Variants in POLR3G observed in about 807,000 individuals in gnomAD.
POLR3G encodes DNA-directed RNA polymerase III subunit RPC7.
In POLR3G, 28 loss-of-function variants were observed where a neutral mutation model predicts 30.1. That is an observed-to-expected ratio of 0.93 (90% CI 0.69 to 1.27). The LOEUF is 1.27. Ranked by LOEUF, POLR3G falls within the 50% of genes most tolerant of loss-of-function variation. POLR3G has a pLI of 0.00. For missense variants in POLR3G, 254 were observed against 264.6 expected (o/e 0.96, Z 0.28); for synonymous variants, 79 against 82.5 (o/e 0.96, Z 0.23).
chr5:90,492,393 AATTT>A (rs1751767789), intron 3 of POLR3G, among the ~76,000 whole-genome samples: 2 of 152,236 alleles, frequency 1.3e-5, no homozygotes, highest in African/African-American at 2.4e-5. Context: ...CACCAAAATT[AATTT>A]GATGTGTTTT....
chr5:90,486,021 G>A (rs889550274), intron 2 of POLR3G, among the ~76,000 whole-genome samples: 7 of 152,008 alleles, frequency 4.6e-5, no homozygotes, highest in African/African-American at 1.2e-4. Context: ...TTCTCAGTTC[G>A]CACCCTATCA....
chr5:90,484,281 T>A (rs1445238315), intron 1 of POLR3G, among the ~76,000 whole-genome samples: 33 of 152,232 alleles, frequency 2.2e-4, no homozygotes, highest in Non-Finnish European at 4.7e-4. Flanking sequence ...TTCTGAGTGA[T>A]GCTGCTGCAG....
intron 6 of POLR3G, among the ~76,000 whole-genome samples, chr5:90,503,648 A>AT (rs1752355992): frequency 6.6e-6 from 1 of 152,236 alleles, no homozygotes; most frequent in Non-Finnish European, 1.5e-5. Context: ...TAGAAATACC[A>AT]ATGAGTTTAG....
At chr5:90,495,400 G>A (rs1301687469) in intron 3 of POLR3G, among the ~76,000 whole-genome samples, 3 of 152,110 alleles carry the variant, frequency 2.0e-5, no homozygotes, top group African/African-American at 7.2e-5. Context: ...TGGCTTTACT[G>A]GTTTTGGCAA....
At position 90,497,716 on chromosome 5, in the gene POLR3G, C is replaced by G. The variant is rs375828165; in HGVS notation, c.355+10C>G. The G allele has an allele frequency of 5.6e-5, 89 of 1,599,638 alleles. No homozygotes were observed. Among genetic ancestry groups the G allele is most frequent in the Non-Finnish European group, 7.5e-5 (88 of 1,173,692 alleles). ...AATAAATGTAAAAAAGGTACATTGA[C>G]TAATATAATAGTAATTCAGGTAGGA... is the stretch of plus-strand genomic sequence containing the variant. On this transcript the variant is annotated intron_variant, in intron 5 of 7. Transcript: ENST00000651687.
chr5:90,485,726 AT>A, intron 2 of POLR3G, 42 bp downstream of exon 2: 1 of 1,404,526 alleles, frequency 7.1e-7, no homozygotes, highest in South Asian at 1.2e-5. Flanking sequence ...GTGTTTTTTC[AT>A]TTTTCAGAGA....
Position 90,514,497 on chromosome 5 carries a change from T to A in POLR3G, c.*2358T>A, listed in dbSNP as rs926981732. ...GTTAATATAGATCTTAACTAGTAAC[T>A]ATTAAGCAGGGATGTTTGTTCCAAA... is the stretch of plus-strand genomic sequence containing the variant. On this transcript the variant is annotated 3_prime_UTR_variant, in exon 8 of 8. Coordinates refer to ENST00000651687, the MANE Select transcript of POLR3G (RefSeq NM_006467.3). The A allele has an allele frequency of 2.7e-4, 41 of 152,226 alleles. No homozygotes were observed. The highest frequency in any genetic ancestry group is 9.4e-4 in the African/African-American group (39 of 41,460). 9.4% of individuals were successfully genotyped at this position (152,226 alleles called of 1,614,324 possible).
At chr5:90,488,466 T>C (rs887273562) in intron 3 of POLR3G, among the ~76,000 whole-genome samples, 2 of 152,118 alleles carry the variant, frequency 1.3e-5, no homozygotes, top group African/African-American at 4.8e-5. Flanking sequence ...GCATGTATAT[T>C]CTCTTTACAA....
At chr5:90,498,638 G>A (rs369519061) in intron 5 of POLR3G, among the ~76,000 whole-genome samples, 2 of 152,266 alleles carry the variant, frequency 1.3e-5, no homozygotes, top group East Asian at 1.9e-4. Flanking sequence ...TTGCATAACT[G>A]CAGATTTTTT....
intron 6 of POLR3G, among the ~76,000 whole-genome samples, chr5:90,504,787 ATG>A (rs1424428078): frequency 2.6e-5 from 4 of 152,182 alleles, no homozygotes; most frequent in African/African-American, 9.7e-5. Flanking sequence ...ACCATCAAAT[ATG>A]TGTGTGTATA....
intron 1 of POLR3G, among the ~76,000 whole-genome samples, chr5:90,478,783 A>C (rs966419975): frequency 6.6e-6 from 1 of 151,280 alleles, no homozygotes; most frequent in Non-Finnish European, 1.5e-5. Flanking sequence ...CAAGAGATCA[A>C]GACCATCCTG....
chr5:90,493,924 G>A (rs1395995273), intron 3 of POLR3G, among the ~76,000 whole-genome samples: 3 of 151,548 alleles, frequency 2.0e-5, no homozygotes, highest in Non-Finnish European at 4.4e-5. Context: ...TGGCCCGGCT[G>A]GTCTTGAACT....
At chr5:90,497,148 G>A (rs1331273004) in intron 4 of POLR3G, among the ~76,000 whole-genome samples, 1 of 152,000 alleles carries the variant, frequency 6.6e-6, no homozygotes, top group Non-Finnish European at 1.5e-5. Context: ...ATTTATTGGA[G>A]GAGATTTGTT....
chr5:90,498,074 C>T (rs768725488), intron 5 of POLR3G, among the ~76,000 whole-genome samples: 7 of 152,156 alleles, frequency 4.6e-5, no homozygotes, highest in African/African-American at 7.2e-5. Flanking sequence ...TGCACCACTG[C>T]ACTTAAGCCT....
At chr5:90,502,628 A>G (rs1017268151) in intron 6 of POLR3G, among the ~76,000 whole-genome samples, 4 of 152,046 alleles carry the variant, frequency 2.6e-5, no homozygotes, top group Admixed American at 6.5e-5. Context: ...TAGACAACCA[A>G]TGTTACTAGT....
chr5:90,480,769 T>G (rs1465454372), intron 1 of POLR3G, among the ~76,000 whole-genome samples: 1 of 152,194 alleles, frequency 6.6e-6, no homozygotes, highest in Non-Finnish European at 1.5e-5. Flanking sequence ...TAGTGGCAAA[T>G]CCTGGACTGG....
intron 7 of POLR3G, among the ~76,000 whole-genome samples, chr5:90,509,269 C>A (rs1459358682): frequency 6.6e-6 from 1 of 152,044 alleles, no homozygotes; most frequent in Non-Finnish European, 1.5e-5. Flanking sequence ...CAGGGCTCTT[C>A]CCTCGGGCTT....
At chr5:90,508,109 C>T (rs1191768519) in intron 7 of POLR3G, among the ~76,000 whole-genome samples, 2 of 152,202 alleles carry the variant, frequency 1.3e-5, no homozygotes, top group Non-Finnish European at 2.9e-5. Flanking sequence ...AAAACACTAG[C>T]CCCATTTTGC....
At chr5:90,501,301 A>G (rs1271754448) in intron 5 of POLR3G, among the ~76,000 whole-genome samples, 2 of 152,148 alleles carry the variant, frequency 1.3e-5, no homozygotes, top group African/African-American at 4.8e-5. Flanking sequence ...GCTTGAATGC[A>G]GAATTTTGAG....
Sources: allele counts gnomAD v4.1 joint callset (sites outside exome capture counted in the v4.1 genomes callset), GRCh38; gene constraint gnomAD v4.1.1; transcripts MANE v1.5; gene names NCBI Gene and HGNC (gene_info 2026-07-23, HGNC 2026-07-21).